Variants in KCNQ1 observed in about 807,000 individuals in gnomAD.
The protein encoded by KCNQ1 is potassium voltage-gated channel subfamily KQT member 1.
Under a neutral mutation model 72.4 loss-of-function variants are expected in KCNQ1, and 49 were observed. That is an observed-to-expected ratio of 0.68 (90% CI 0.54 to 0.86). The LOEUF (loss-of-function observed/expected upper bound fraction) is 0.86. Among genes scored for constraint, KCNQ1 ranks in the 40% least tolerant of loss-of-function variants. The pLI is 0.00. For synonymous variants in KCNQ1, 450 were observed against 412.6 expected (o/e 1.09, Z -1.10); for missense variants, 790 against 945.1 (o/e 0.84, Z 2.15).
chr11:2,694,784 G>A (rs971143375), intron 11 of KCNQ1: 2 of 398,188 alleles, frequency 5.0e-6, no homozygotes, highest in Non-Finnish European at 8.8e-6. Context: ...GCTTTGCAGA[G>A]ACTCGAAAGG....
chr11:2,661,933 A>G lies in KCNQ1; in HGVS notation c.1394-28A>G. 1 of 1,614,048 alleles carries G rather than the reference A, an allele frequency of 6.2e-7. No individual in the cohort carries two copies. The highest frequency in any genetic ancestry group is 2.2e-5 in the East Asian group (1 of 44,882). On this transcript the variant is annotated intron_variant, in intron 10 of 15. Transcript: ENST00000155840. This position sits in a 1 kb window ranked among gnomAD's most constrained non-coding sequence, Gnocchi z 5.9. ...ACTGGCAGGTTGGGTGGGAGGCCTAACGTGCTGTCCCCACACTTTCTCCTC... is the reference window on the plus strand; with the variant it reads ...ACTGGCAGGTTGGGTGGGAGGCCTAGCGTGCTGTCCCCACACTTTCTCCTC...
chr11:2,662,272 G>A (rs1849973687), intron 11 of KCNQ1, 191 bp downstream of exon 11: 3 of 641,828 alleles, frequency 4.7e-6, no homozygotes, highest in Non-Finnish European at 8.1e-6. Context: ...ACTTCCCACT[G>A]AGCCTGGGAA....
rs776595359 is a variant in KCNQ1, at chr11:2,593,624, C to T, written c.1393+4770C>T. 1.3e-5 allele frequency among the ~76,000 whole-genome samples: 2 copies of T among 152,158 alleles called. No homozygotes were observed. The highest frequency in any genetic ancestry group is 6.5e-5 in the Admixed American group (1 of 15,280). ...GCATGCATCACATACCCAGAGGTCC[C>T]CAGTGTGGTCTGGGGACTCATCGTT... On this transcript the variant is annotated intron_variant, in intron 10 of 15. Coordinates refer to ENST00000155840, the MANE Select transcript of KCNQ1 (RefSeq NM_000218.3). The surrounding 1 kb of genome is among the most constrained non-coding windows in gnomAD (Gnocchi z 6.9).
intron 11 of KCNQ1, chr11:2,685,350 A>G (rs1850467825): frequency 2.5e-6 from 1 of 398,584 alleles, no homozygotes; most frequent in South Asian, 1.3e-4. Flanking sequence ...TGGAGGGTAC[A>G]TGGGCAGGTA....
chr11:2,675,578 CT>C, intron 11 of KCNQ1: 1 of 398,650 alleles, frequency 2.5e-6, no homozygotes, highest in Non-Finnish European at 4.4e-6. Context: ...AACAGTTTCA[CT>C]TCCTAGGAGA....
At chr11:2,461,010 C>T (rs981202058) in intron 1 of KCNQ1, among the ~76,000 whole-genome samples, 3 of 152,118 alleles carry the variant, frequency 2.0e-5, no homozygotes, top group Non-Finnish European at 4.4e-5. Context: ...GTCCGGGAGT[C>T]GGATGGGCCT....
rs1401377053 is a variant in KCNQ1 at position 2,787,216 on chromosome 11, C to CTTAG, written c.1794+9180_1794+9183dup. Among the ~76,000 whole-genome samples the CTTAG allele has an allele frequency of 5.9e-5, 9 of 152,320 alleles. No homozygotes were observed. The South Asian group carries it at 1.5e-3, about 25-fold the overall frequency. On this transcript the variant is annotated intron_variant, in intron 15 of 15. Coordinates refer to ENST00000155840, the MANE Select transcript of KCNQ1 (RefSeq NM_000218.3). This position sits in a 1 kb window ranked among gnomAD's most constrained non-coding sequence, Gnocchi z 6.3. ...CCAGGACAGAACTTGTTCTCCTTCTCTTAGCAGTAATGCAGTTTTCTTTAC... is the reference window on the plus strand; with the variant it reads ...CCAGGACAGAACTTGTTCTCCTTCTCTTAGTTAGCAGTAATGCAGTTTTCTTTAC...
intron 11 of KCNQ1, among the ~76,000 whole-genome samples, chr11:2,763,314 A>G (rs1846439101): frequency 6.6e-6 from 1 of 151,992 alleles, no homozygotes; most frequent in South Asian, 2.1e-4. Context: ...CTGTAATACC[A>G]ACTACTTGGG....
At chr11:2,802,781 A>C (rs997942123) in intron 15 of KCNQ1, among the ~76,000 whole-genome samples, 3 of 152,162 alleles carry the variant, frequency 2.0e-5, no homozygotes, top group Admixed American at 6.5e-5. Flanking sequence ...AAGCCACTGC[A>C]TGCTCCCAGC....
At chr11:2,656,841 T>C (rs1360385654) in intron 10 of KCNQ1, 3 of 398,562 alleles carry the variant, frequency 7.5e-6, no homozygotes, top group Non-Finnish European at 1.3e-5. Flanking sequence ...TTTATAGTTA[T>C]GCTTTTCATA....
At chr11:2,760,770 G>T (rs963244769) in intron 11 of KCNQ1, among the ~76,000 whole-genome samples, 3 of 152,314 alleles carry the variant, frequency 2.0e-5, no homozygotes, top group Middle Eastern at 3.4e-3. Context: ...AATGGGAAAG[G>T]TTTCCTTGTC....
Position 2,566,121 on chromosome 11 carries a change from G to T in KCNQ1, c.478-4507G>T, listed in dbSNP as rs1848243559. Among the ~76,000 whole-genome samples, 1 of 152,206 alleles carries T rather than the reference G, an allele frequency of 6.6e-6. No homozygotes were observed. Among genetic ancestry groups the T allele is most frequent in the Non-Finnish European group, 1.5e-5 (1 of 68,032 alleles). On this transcript the variant is annotated intron_variant, in intron 2 of 15. Coordinates refer to ENST00000155840, the MANE Select transcript of KCNQ1 (RefSeq NM_000218.3). This position sits in a 1 kb window ranked among gnomAD's most constrained non-coding sequence, Gnocchi z 6.7. ...TCCCTGTCCCCTGGCAGGGCTGGAG[G>T]CTCTGGAGTCTCTCTTGGTTACCCT...
chr11:2,772,265 T>C lies in KCNQ1; in HGVS notation c.1590+3346T>C, dbSNP rs982473146. ...CACCCCCGCTGGCCTCAGGGGCTGC[T>C]GACATGGCAGGTGACCCCTCTGCCT... On this transcript the variant is annotated intron_variant, in intron 12 of 15. Coordinates refer to ENST00000155840, the MANE Select transcript of KCNQ1 (RefSeq NM_000218.3). The surrounding 1 kb of genome is among the most constrained non-coding windows in gnomAD (Gnocchi z 6.6). Among the ~76,000 whole-genome samples the C allele has an allele frequency of 6.6e-6, 1 of 152,010 alleles. No homozygotes were observed. The highest frequency in any genetic ancestry group is 2.4e-5 in the African/African-American group (1 of 41,390).
At chr11:2,504,165 G>C (rs179405) in intron 1 of KCNQ1, among the ~76,000 whole-genome samples, 1 of 152,002 alleles carries the variant, frequency 6.6e-6, no homozygotes, top group African/African-American at 2.4e-5. Flanking sequence ...GAATGAGAAC[G>C]TGTCATTTGC....
intron 10 of KCNQ1, chr11:2,641,522 A>G (rs1849576796): frequency 2.5e-6 from 1 of 398,212 alleles, no homozygotes; most frequent in Non-Finnish European, 4.4e-6. Context: ...AGTTCCTAGT[A>G]TATTCTGGTA....
rs758945992 is a variant in KCNQ1, at chr11:2,587,561, C to T, written c.1129-9C>T. ...GCAGGTGACAGCCTGTCCCCCTGCC[C>T]GACCTCAGACCGCATGGAGGTGCTA... On this transcript the variant is annotated splice_polypyrimidine_tract_variant and intron_variant, in intron 8 of 15. Transcript: ENST00000155840. 2.3e-5 allele frequency: 37 copies of T among 1,613,480 alleles called. No homozygotes were observed. Among genetic ancestry groups the T allele is most frequent in the African/African-American group, 1.6e-4 (12 of 74,918 alleles).
Position 2,677,789 on chromosome 11 carries a change from C to T in KCNQ1, c.1514+15708C>T. ...GAGATCCTCCCTTTCCCCCCATTTC[C>T]AGCAGGATTAAAATGTTCATTTATG... On this transcript the variant is annotated intron_variant, in intron 11 of 15. Coordinates refer to ENST00000155840, the MANE Select transcript of KCNQ1 (RefSeq NM_000218.3). The surrounding 1 kb of genome is among the most constrained non-coding windows in gnomAD (Gnocchi z 4.5). 2.5e-6 allele frequency: 1 copy of T among 398,468 alleles called. No homozygotes were observed. The allele number at this position is 398,468 out of a possible 1,614,324, so 24.7% of individuals were successfully genotyped here.
intron 1 of KCNQ1, among the ~76,000 whole-genome samples, chr11:2,499,078 T>C (rs1013364201): frequency 6.6e-6 from 1 of 152,198 alleles, no homozygotes; most frequent in African/African-American, 2.4e-5. Context: ...CCCAATGAGA[T>C]GAACTTGGTA....
At position 2,457,814 on chromosome 11, in the gene KCNQ1, G is replaced by GAA. The variant is rs112398913; in HGVS notation, c.386+12343_386+12344dup. On this transcript the variant is annotated intron_variant, in intron 1 of 15. Transcript: ENST00000155840. This position sits in a 1 kb window ranked among gnomAD's most constrained non-coding sequence, Gnocchi z 5.0. ...TAAAATGGAAACTTTTGGCATGGGA[G>GAA]AAAAAAAAAAAAAACAGATGTAAGT... Among the ~76,000 whole-genome samples the GAA allele has an allele frequency of 7.1e-5, 9 of 126,136 alleles. No individual in the cohort carries two copies. Among genetic ancestry groups the GAA allele is most frequent in the African/African-American group, 1.2e-4 (4 of 34,238 alleles). The allele number at this position is 126,136 out of a possible 152,430, so 82.8% of individuals were successfully genotyped here.
Sources: gnomAD v4.1 joint callset for allele counts (sites outside exome capture counted in the v4.1 genomes callset) on GRCh38, gnomAD v4.1.1 for gene constraint, Gnocchi (gnomAD v3.1) non-coding constraint, MANE v1.5 for transcripts, NCBI Gene and HGNC (gene_info 2026-07-23, HGNC 2026-07-21) for gene names.